The following CACNA2D4 variants were observed in gnomAD, a reference collection of about 807,000 sequenced individuals.
CACNA2D4 encodes voltage-dependent calcium channel subunit alpha-2/delta-4.
A neutral mutation model predicts 163.8 loss-of-function variants in CACNA2D4; 157 were observed. That is an observed-to-expected ratio of 0.96 (90% CI 0.84 to 1.09). The LOEUF (loss-of-function observed/expected upper bound fraction) is 1.09. Ranked by LOEUF, CACNA2D4 falls within the 50% of genes least tolerant of loss-of-function variation. The probability of loss-of-function intolerance (pLI) is 0.00; values close to 1 mark genes in which losing one functional copy is unlikely to be tolerated. For synonymous variants in CACNA2D4, 598 were observed against 586.9 expected, an observed-to-expected ratio of 1.02 and a Z score of -0.27; for missense variants, 1,410 against 1,479.9, an observed-to-expected ratio of 0.95 and a Z score of 0.78.
At chr12:1,902,229 A>G (rs183619348) in intron 6 of CACNA2D4, among the ~76,000 whole-genome samples, 1 of 152,174 alleles carries the variant, frequency 6.6e-6, no homozygotes, top group Admixed American at 6.5e-5. Flanking sequence ...AATAAAAACC[A>G]TATACAACAG....
At position 1,834,405 on chromosome 12, in the gene CACNA2D4, G is replaced by A; in HGVS notation, c.2551+6334C>T. The A allele has an allele frequency of 1.2e-6, 2 of 1,613,024 alleles. No individual in the cohort carries two copies. The highest frequency in any genetic ancestry group is 1.7e-6 in the Non-Finnish European group (2 of 1,180,010). On this transcript the variant is annotated intron_variant, in intron 26 of 37. Coordinates refer to ENST00000382722, the MANE Select transcript of CACNA2D4 (RefSeq NM_172364.5). This position sits in a 1 kb window ranked among gnomAD's most constrained non-coding sequence, Gnocchi z 7.6. Reference sequence around the variant, plus strand: ...AGCTCAGCTGGGCTGGATATTCCTGGGCCACCCTGCACCAAGGCCAGTCCA... The same window carrying A: ...AGCTCAGCTGGGCTGGATATTCCTGAGCCACCCTGCACCAAGGCCAGTCCA...
rs576601796 is a variant in CACNA2D4, at chr12:1,806,165, C to T, written c.2721+4113G>A. ...ACTTTGAAGCTTCCATGGGTGGGTG[C>T]CGCCCAGAAGCAAATGACAGGAATC... On this transcript the variant is annotated intron_variant, in intron 29 of 37. Coordinates refer to ENST00000382722, the MANE Select transcript of CACNA2D4 (RefSeq NM_172364.5). The surrounding 1 kb of genome is among the most constrained non-coding windows in gnomAD (Gnocchi z 4.1). Among the ~76,000 whole-genome samples, 2 of 152,270 alleles carry T rather than the reference C, an allele frequency of 1.3e-5. No individual in the cohort carries two copies. Among genetic ancestry groups the T allele is most frequent in the South Asian group, 4.1e-4 (2 of 4,828 alleles).
rs1203839211 is a variant in CACNA2D4, at chr12:1,834,128, T to C, written c.2551+6611A>G. On this transcript the variant is annotated intron_variant, in intron 26 of 37. Coordinates refer to ENST00000382722, the MANE Select transcript of CACNA2D4 (RefSeq NM_172364.5). The surrounding 1 kb of genome is among the most constrained non-coding windows in gnomAD (Gnocchi z 7.6). ...TTTCCCTCCTCCGCTTCCTCTTCTATAGATGGTGATTCCAGGATTGACTAC... is the reference window on the plus strand; with the variant it reads ...TTTCCCTCCTCCGCTTCCTCTTCTACAGATGGTGATTCCAGGATTGACTAC... 3 of 986,260 alleles carry C rather than the reference T, an allele frequency of 3.0e-6. No individual in the cohort carries two copies. The highest frequency in any genetic ancestry group is 4.3e-6 in the Non-Finnish European group (3 of 698,086). The allele number at this position is 986,260 out of a possible 1,614,324, so 61.1% of individuals were successfully genotyped here.
chr12:1,817,621 T>C (rs1863920457), intron 26 of CACNA2D4, among the ~76,000 whole-genome samples: 1 of 148,182 alleles, frequency 6.7e-6, no homozygotes. Flanking sequence ...GTGCCTGCGA[T>C]TGCAGGCGTG....
chr12:1,809,847 A>C (rs1358126039), intron 29 of CACNA2D4, among the ~76,000 whole-genome samples: 1 of 152,180 alleles, frequency 6.6e-6, no homozygotes, highest in East Asian at 1.9e-4. Flanking sequence ...GAAGTGGGGA[A>C]GCCATGTCTT....
chr12:1,896,498 T>C (rs1866402804), intron 6 of CACNA2D4, among the ~76,000 whole-genome samples: 1 of 151,956 alleles, frequency 6.6e-6, no homozygotes, highest in Non-Finnish European at 1.5e-5. Context: ...GACATACAAA[T>C]GGCCAATAGA....
intron 29 of CACNA2D4, among the ~76,000 whole-genome samples, chr12:1,803,260 TAGG>T: frequency 6.6e-6 from 1 of 152,224 alleles, no homozygotes; most frequent in East Asian, 1.9e-4. Context: ...AGACAAGGGC[TAGG>T]CAGAACGCAC....
In CACNA2D4 at chr12:1,799,829, G is replaced by A. The variant is rs1159405524; in HGVS notation, c.2975-134C>T. The A allele has an allele frequency of 6.1e-6, 8 of 1,312,144 alleles. No homozygotes were observed. Among genetic ancestry groups the A allele is most frequent in the Middle Eastern group, 3.6e-4 (2 of 5,562 alleles). 81.3% of individuals were successfully genotyped at this position (1,312,144 alleles called of 1,614,324 possible). ...GTCCCAAGATGATGTCACACACAGA[G>A]CCAGGAGTGAGGGATGTGATGAGAG... On this transcript the variant is annotated intron_variant, in intron 33 of 37. Transcript: ENST00000382722. The surrounding 1 kb of genome is among the most constrained non-coding windows in gnomAD (Gnocchi z 4.7).
In CACNA2D4 at chr12:1,850,704, A is replaced by C. The variant is rs113232452; in HGVS notation, c.2246+3247T>G. Among the ~76,000 whole-genome samples the C allele has an allele frequency of 8.6e-3, 1,303 of 152,066 alleles. 19 individuals are homozygous for C. Among genetic ancestry groups the C allele is most frequent in the African/African-American group, 0.03 (1,244 of 41,468 alleles). On this transcript the variant is annotated intron_variant, in intron 23 of 37. Transcript: ENST00000382722. The stretch of plus-strand genomic sequence containing the variant: ...GGGATCATGAGGTCAGGAGATTGAG[A>C]CCATCCTGGCTAACATGGTGAAACC...
Position 1,834,280 on chromosome 12 carries a change from C to T in CACNA2D4, c.2551+6459G>A, listed in dbSNP as rs541848800. On this transcript the variant is annotated intron_variant, in intron 26 of 37. Transcript: ENST00000382722. The surrounding 1 kb of genome is among the most constrained non-coding windows in gnomAD (Gnocchi z 7.6). ...TTCTGCATGTAGGGGGACGCTTGGA[C>T]CAGCTTGCCTGCACCCTGCCCAAGG... 1 of 1,576,698 alleles carries T rather than the reference C, an allele frequency of 6.3e-7. No homozygotes were observed. Among genetic ancestry groups the T allele is most frequent in the East Asian group, 2.3e-5 (1 of 44,350 alleles).
intron 26 of CACNA2D4, chr12:1,835,216 C>T (rs1864805124): frequency 6.4e-6 from 1 of 156,466 alleles, no homozygotes; most frequent in East Asian, 1.9e-4. Context: ...GAAAGCTGGT[C>T]CAGCTCTACA....
chr12:1,912,985 TGG>T, intron 3 of CACNA2D4, 36 bp downstream of exon 3: 1 of 1,356,010 alleles, frequency 7.4e-7, no homozygotes, highest in Non-Finnish European at 1.1e-6. Context: ...GTCATGGGGC[TGG>T]GGAGAAACGC....
intron 24 of CACNA2D4, among the ~76,000 whole-genome samples, chr12:1,846,097 G>C (rs185999864): frequency 2.4e-4 from 37 of 152,214 alleles, no homozygotes; most frequent in Non-Finnish European, 4.0e-4. Flanking sequence ...AAGGCACTGC[G>C]GGGTGAGCAC....
chr12:1,817,609 A>G (rs889090375), intron 26 of CACNA2D4, among the ~76,000 whole-genome samples: 14 of 151,930 alleles, frequency 9.2e-5, no homozygotes, highest in East Asian at 7.8e-4. Flanking sequence ...TCAGCCTGCC[A>G]AGTGCCTGCG....
chr12:1,809,351 G>C, intron 29 of CACNA2D4: 1 of 602,960 alleles, frequency 1.7e-6, no homozygotes, highest in South Asian at 2.0e-5. Context: ...GTGTAGTCCA[G>C]CCCCCGGCGA....
chr12:1,811,672 G>C lies in CACNA2D4; in HGVS notation c.2603C>G (p.Ala868Gly). The change falls in exon 27 of 38, where the codon GCA (alanine) becomes GGA (glycine). Residue 868 changes from alanine (A) to glycine (G), a missense_variant. By Grantham distance (60) the Ala-to-Gly change is moderately conservative. Coordinates refer to ENST00000382722, the MANE Select transcript of CACNA2D4 (RefSeq NM_172364.5). Reference protein sequence around the residue: ...LEFLQRKFWAATRQCSTVDGP... With the variant: ...LEFLQRKFWAGTRQCSTVDGP... ...CGACATCACACCTACCTGCCGCGTT[G>C]CCGCCCAGAATTTGCGCTGGAGGAA... 6.4e-7 allele frequency: 1 copy of C among 1,559,712 alleles called. No homozygotes were observed. The highest frequency in any genetic ancestry group is 8.7e-7 in the Non-Finnish European group (1 of 1,151,336).
At chr12:1,819,954 C>T (rs755191961) in intron 26 of CACNA2D4, among the ~76,000 whole-genome samples, 5 of 152,210 alleles carry the variant, frequency 3.3e-5, no homozygotes, top group African/African-American at 9.6e-5. Context: ...TCTGCATGAC[C>T]ATGTGATCCC....
At chr12:1,848,013 C>T (rs1865190476) in intron 23 of CACNA2D4, among the ~76,000 whole-genome samples, 1 of 151,894 alleles carries the variant, frequency 6.6e-6, no homozygotes, top group Non-Finnish European at 1.5e-5. Flanking sequence ...ACGGGTATCT[C>T]TTATTTGTCT....
intron 18 of CACNA2D4, among the ~76,000 whole-genome samples, chr12:1,866,677 G>A (rs1201412012): frequency 6.6e-6 from 1 of 152,070 alleles, no homozygotes; most frequent in Admixed American, 6.5e-5. Context: ...CTGGAGTGCA[G>A]TGGCATGATC....
Sources: gnomAD v4.1 joint callset for allele counts (sites outside exome capture counted in the v4.1 genomes callset) on GRCh38, gnomAD v4.1.1 for gene constraint, Gnocchi (gnomAD v3.1) non-coding constraint, MANE v1.5 for transcripts, NCBI Gene and HGNC (gene_info 2026-07-23, HGNC 2026-07-21) for gene names.